TENM3: variants seen among roughly 807,000 people sequenced by gnomAD.
TENM3 encodes teneurin transmembrane protein 3.
TENM3 carries 63 observed loss-of-function variants against 255.1 expected under a neutral mutation model. The observed-to-expected ratio is 0.25, with a 90% CI of 0.20 to 0.30. The LOEUF (loss-of-function observed/expected upper bound fraction) is 0.30. Ranked by LOEUF, TENM3 falls within the 10% of genes least tolerant of loss-of-function variation. The pLI, the probability that TENM3 is intolerant of heterozygous loss-of-function variation, is 1.00. For synonymous variants in TENM3, 1,306 were observed against 1,322.3 expected (o/e 0.99, Z 0.27); for missense variants, 2,929 against 3,461.1 (o/e 0.85, Z 3.86).
At chr4:182,409,865 T>G (rs1242547069) in intron 3 of TENM3, among the ~76,000 whole-genome samples, 3 of 151,950 alleles carry the variant, frequency 2.0e-5, no homozygotes. Flanking sequence ...CACTCTGTCA[T>G]GTGGCTGGAG....
chr4:182,541,284 T>C (rs544029106), intron 3 of TENM3, among the ~76,000 whole-genome samples: 1 of 152,312 alleles, frequency 6.6e-6, no homozygotes, highest in Admixed American at 6.5e-5. Flanking sequence ...TTGGACTTTA[T>C]CCTAAGCCAT....
At chr4:182,788,342 G>T (rs915145963) in intron 24 of TENM3, among the ~76,000 whole-genome samples, 1 of 152,216 alleles carries the variant, frequency 6.6e-6, no homozygotes, top group Non-Finnish European at 1.5e-5. Flanking sequence ...AGGCTGGGTT[G>T]TGTATGCCTC....
chr4:182,057,641 TCC>T, the TENM3 span, among the ~76,000 whole-genome samples: 84 of 152,044 alleles, frequency 5.5e-4, no homozygotes, highest in African/African-American at 1.9e-3. Flanking sequence ...CCTCAAGTGA[TCC>T]CCCTGCCTTC....
At chr4:182,738,704 T>C (rs1481506532) in intron 18 of TENM3, among the ~76,000 whole-genome samples, 160 bp downstream of exon 18, 1 of 152,210 alleles carries the variant, frequency 6.6e-6, no homozygotes, top group Non-Finnish European at 1.5e-5. Context: ...TTTTAAAGAT[T>C]ATAAAAGCCT....
chr4:181,529,095 G>A, the TENM3 span, among the ~76,000 whole-genome samples: 1 of 152,212 alleles, frequency 6.6e-6, no homozygotes, highest in Non-Finnish European at 1.5e-5. Flanking sequence ...AAAAAACTGA[G>A]GCTCAAAAGG....
intron 3 of TENM3, among the ~76,000 whole-genome samples, chr4:182,421,289 T>C (rs1770815567): frequency 6.6e-6 from 1 of 152,034 alleles, no homozygotes; most frequent in Non-Finnish European, 1.5e-5. Flanking sequence ...GAGGACACTA[T>C]CTCCAAAGTA....
At chr4:182,576,088 T>A (rs554350671) in intron 3 of TENM3, among the ~76,000 whole-genome samples, 73 of 152,294 alleles carry the variant, frequency 4.8e-4, no homozygotes, top group African/African-American at 1.7e-3. Context: ...ATCCACTCGA[T>A]GAGATTTTGA....
the TENM3 span, among the ~76,000 whole-genome samples, chr4:181,839,349 A>ATG: frequency 3.0e-5 from 1 of 33,190 alleles, no homozygotes; most frequent in East Asian, 6.8e-4. Flanking sequence ...TTGAGGGTAT[A>ATG]TATATATATA....
the TENM3 span, among the ~76,000 whole-genome samples, chr4:181,605,596 A>AGAAAGAAAGAAAG: frequency 7.6e-5 from 10 of 131,292 alleles, no homozygotes; most frequent in African/African-American, 2.7e-4. Context: ...AAAGAAAGAA[A>AGAAAGAAAGAAAG]GAAAGAAAGA....
chr4:182,554,295 C>T (rs980596840), intron 3 of TENM3, among the ~76,000 whole-genome samples: 1 of 152,154 alleles, frequency 6.6e-6, no homozygotes, highest in Non-Finnish European at 1.5e-5. Context: ...TGCATGCTTG[C>T]CCAGTTTAAA....
chr4:182,236,511 A>G (rs962902354), intron 1 of TENM3, among the ~76,000 whole-genome samples: 4 of 152,194 alleles, frequency 2.6e-5, no homozygotes, highest in African/African-American at 9.6e-5. Context: ...TCCCTGGGCA[A>G]TTACTTCTAT....
the TENM3 span, among the ~76,000 whole-genome samples, chr4:181,562,266 C>G: frequency 1.3e-5 from 2 of 151,754 alleles, no homozygotes; most frequent in Non-Finnish European, 2.9e-5. Flanking sequence ...TTTCTTACTT[C>G]CAGGTTTTTA....
intron 3 of TENM3, among the ~76,000 whole-genome samples, chr4:182,586,700 A>T (rs931756380): frequency 6.6e-6 from 1 of 152,210 alleles, no homozygotes; most frequent in Admixed American, 6.5e-5. Flanking sequence ...TTGCATCTAC[A>T]TATTTCATGT....
chr4:182,066,783 C>G, the TENM3 span, among the ~76,000 whole-genome samples: 3 of 151,826 alleles, frequency 2.0e-5, no homozygotes, highest in Non-Finnish European at 4.4e-5. Context: ...TGGTGGCAGG[C>G]GCCTGTAGTC....
intron 3 of TENM3, among the ~76,000 whole-genome samples, chr4:182,475,559 A>C (rs12503066): frequency 0.29 from 44,478 of 152,066 alleles, 7,709 homozygotes; most frequent in East Asian, 0.5. Flanking sequence ...ATACTAGAGG[A>C]AATTTAGAAA....
At chr4:182,075,192 T>G in the TENM3 span, among the ~76,000 whole-genome samples, 1 of 112,112 alleles carries the variant, frequency 8.9e-6, no homozygotes, top group Non-Finnish European at 1.8e-5. Context: ...TGGACACTTG[T>G]TTTTTTTCTT....
chr4:182,165,324 G>A (rs59494267), intron 1 of TENM3, among the ~76,000 whole-genome samples: 30,960 of 152,118 alleles, frequency 0.2, 3,534 homozygotes, highest in South Asian at 0.27. Flanking sequence ...ATTATATTTA[G>A]GAATTTGCTG....
intron 3 of TENM3, among the ~76,000 whole-genome samples, chr4:182,503,441 G>C (rs553440869): frequency 6.6e-6 from 1 of 152,110 alleles, no homozygotes; most frequent in Non-Finnish European, 1.5e-5. Context: ...GTATAGGTTA[G>C]ACATACTTCT....
the TENM3 span, among the ~76,000 whole-genome samples, chr4:181,661,768 G>A: frequency 6.6e-6 from 1 of 152,042 alleles, no homozygotes; most frequent in East Asian, 1.9e-4. Flanking sequence ...AATGAAAGGA[G>A]ACACTTTCTT....
Sources: gnomAD v4.1 joint callset for allele counts (sites outside exome capture counted in the v4.1 genomes callset) on GRCh38, gnomAD v4.1.1 for gene constraint, MANE v1.5 for transcripts, NCBI Gene and HGNC (gene_info 2026-07-23, HGNC 2026-07-21) for gene names.